KIF19: variants seen among roughly 807,000 people sequenced by gnomAD.
The protein encoded by KIF19 is kinesin-like protein KIF19.
Under a neutral mutation model 106.6 loss-of-function variants are expected in KIF19, and 98 were observed. The observed-to-expected ratio is 0.92, with a 90% CI of 0.78 to 1.09. The LOEUF is 1.09. KIF19 is among the 50% of genes least tolerant of loss of function. KIF19 has a pLI of 0.00. For synonymous variants in KIF19, 516 were observed against 584.2 expected, an observed-to-expected ratio of 0.88 and a Z score of 1.68; for missense variants, 1,373 against 1,414.3, an observed-to-expected ratio of 0.97 and a Z score of 0.47.
rs1443957627 is a variant in KIF19 at position 74,346,829 on chromosome 17, C to T, written c.924+305C>T. ...ACCCAGGGCTGTGGGTCAGAGCCGT[C>T]TAGATTTGGGGGTGCAGGTGGGCAG... On this transcript the variant is annotated intron_variant, in intron 8 of 19. Coordinates refer to ENST00000389916, the MANE Select transcript of KIF19 (RefSeq NM_153209.4). This position sits in a 1 kb window ranked among gnomAD's most constrained non-coding sequence, Gnocchi z 4.6. 6.6e-6 allele frequency among the ~76,000 whole-genome samples: 1 copy of T among 152,166 alleles called. No homozygotes were observed. The highest frequency in any genetic ancestry group is 1.9e-4 in the East Asian group (1 of 5,194).
chr17:74,330,758 G>A (rs959859792), intron 2 of KIF19, among the ~76,000 whole-genome samples: 4 of 152,308 alleles, frequency 2.6e-5, no homozygotes, highest in East Asian at 1.9e-4. Flanking sequence ...GCCAAGATAC[G>A]CCTCCACTGC....
chr17:74,355,685 G>C lies in KIF19; in HGVS notation c.*373G>C, dbSNP rs139162628. 2,146 of 175,340 alleles carry C rather than the reference G, an allele frequency of 0.012. 26 individuals are homozygous for C. Among genetic ancestry groups the C allele is most frequent in the Middle Eastern group, 0.016 (8 of 494 alleles). 10.9% of individuals were successfully genotyped at this position (175,340 alleles called of 1,614,324 possible). On this transcript the variant is annotated 3_prime_UTR_variant, in exon 20 of 20. Transcript: ENST00000389916. ...CGTGTGGGGCACGGGCATCCTGGAT[G>C]GTTGGGGAGGCGCCGACAGGCACTT... is the stretch of plus-strand genomic sequence containing the variant.
intron 3 of KIF19, 62 bp from the exon 4 acceptor site, chr17:74,342,568 A>C: frequency 9.4e-6 from 12 of 1,271,784 alleles, no homozygotes; most frequent in Non-Finnish European, 1.3e-5. Context: ...AGGAAGAGCC[A>C]GTGGGTGCCT....
Position 74,342,692 on chromosome 17 carries a change from C to T in KIF19, c.294C>T (p.Ala98=). ...LIEGVISGYN[A]TVFAYGPTGC... is the part of the protein sequence containing the mutation. ...AGGGCGTCATCTCAGGCTACAATGC[C>T]ACTGTCTTTGCCTATGGCCCCACAG... The change falls in exon 4 of 20, where the codon GCC becomes GCT. Residue 98 remains alanine (A), a synonymous_variant. Coordinates refer to ENST00000389916, the MANE Select transcript of KIF19 (RefSeq NM_153209.4). The T allele has an allele frequency of 1.9e-6, 3 of 1,613,750 alleles. No homozygotes were observed. Among genetic ancestry groups the T allele is most frequent in the Non-Finnish European group, 2.5e-6 (3 of 1,179,822 alleles).
At chr17:74,354,976 GCCT>G (rs2054838719) in intron 19 of KIF19, 35 bp downstream of exon 19, 6 of 1,570,068 alleles carry the variant, frequency 3.8e-6, no homozygotes, top group Non-Finnish European at 5.2e-6. Flanking sequence ...GGGAGGGGAG[GCCT>G]CCACCAGGCA....
intron 8 of KIF19, 28 bp from the exon 9 acceptor site, chr17:74,347,749 C>G: frequency 1.9e-6 from 3 of 1,582,350 alleles, no homozygotes; most frequent in Non-Finnish European, 2.6e-6. Context: ...GAGGCAGTCC[C>G]CACTGACCAC....
In KIF19 at chr17:74,344,454, G is replaced by T. The variant is rs2054473087; in HGVS notation, c.582+106G>T. On this transcript the variant is annotated intron_variant, in intron 6 of 19. Coordinates refer to ENST00000389916, the MANE Select transcript of KIF19 (RefSeq NM_153209.4). ...GGGAGCTGCTCCCCACTCGGCTGAG[G>T]CTGGGACAGACAGGAGAATCCTGAG... 2.0e-6 allele frequency: 3 copies of T among 1,496,018 alleles called. No homozygotes were observed. The South Asian group carries it at 3.7e-5, about 18-fold the overall frequency. 92.7% of individuals were successfully genotyped at this position (1,496,018 alleles called of 1,614,324 possible).
At chr17:74,333,700 C>A (rs1446078668) in intron 2 of KIF19, among the ~76,000 whole-genome samples, 1 of 152,126 alleles carries the variant, frequency 6.6e-6, no homozygotes, top group Non-Finnish European at 1.5e-5. Flanking sequence ...CAACTTCACT[C>A]CTTATGTTGT....
chr17:74,352,466 C>T, intron 14 of KIF19, 126 bp downstream of exon 14: 2 of 1,233,100 alleles, frequency 1.6e-6, no homozygotes, highest in South Asian at 1.6e-5. Flanking sequence ...AGGGAGTTGA[C>T]TCCCTTTCCT....
At chr17:74,353,674 T>TTG in intron 17 of KIF19, 93 bp downstream of exon 17, 8 of 1,014,074 alleles carry the variant, frequency 7.9e-6, no homozygotes, top group Non-Finnish European at 1.2e-5. Flanking sequence ...CCCTCTGCAC[T>TTG]GCCAAGTGCA....
chr17:74,327,123 C>T (rs1403849729), intron 1 of KIF19, among the ~76,000 whole-genome samples: 1 of 152,164 alleles, frequency 6.6e-6, no homozygotes, highest in African/African-American at 2.4e-5. Context: ...TCAGCAAGCC[C>T]CTTCCTCATC....
chr17:74,336,831 T>C (rs1346139783), intron 2 of KIF19, among the ~76,000 whole-genome samples: 1 of 152,012 alleles, frequency 6.6e-6, no homozygotes, highest in African/African-American at 2.4e-5. Context: ...TATTTGTTTG[T>C]TTTTGTTTTT....
intron 2 of KIF19, chr17:74,329,080 CA>C (rs1043219184): frequency 6.6e-6 from 1 of 152,282 alleles, no homozygotes; most frequent in Non-Finnish European, 1.5e-5. Context: ...GCATCACAAA[CA>C]AACGAGTTTG....
rs983340291 is a variant in KIF19, at chr17:74,331,350, G to A, written c.120+2845G>A. On this transcript the variant is annotated intron_variant, in intron 2 of 19. Transcript: ENST00000389916. This position sits in a 1 kb window ranked among gnomAD's most constrained non-coding sequence, Gnocchi z 4.1. ...AGCTGAGCCAGGACATGTTCGTCCT[G>A]AGTGGGGAGAGGTGGACCGGGGACA... Among the ~76,000 whole-genome samples the A allele has an allele frequency of 3.8e-4, 57 of 148,530 alleles. No homozygotes were observed. Among genetic ancestry groups the A allele is most frequent in the Admixed American group, 3.4e-4 (5 of 14,806 alleles).
intron 2 of KIF19, among the ~76,000 whole-genome samples, chr17:74,332,874 GCA>G (rs529269755): frequency 9.2e-5 from 14 of 152,322 alleles, no homozygotes; most frequent in African/African-American, 3.4e-4. Flanking sequence ...ATACTGGTGG[GCA>G]AGTTGAAACT....
At chr17:74,340,961 C>T (rs1226095736) in intron 2 of KIF19, among the ~76,000 whole-genome samples, 4 of 152,192 alleles carry the variant, frequency 2.6e-5, no homozygotes, top group Admixed American at 1.3e-4. Flanking sequence ...GGGGGTGTGA[C>T]TCCTTTGGAC....
At chr17:74,340,555 G>GCGCGCACGCACACA in intron 2 of KIF19, among the ~76,000 whole-genome samples, 111 of 148,306 alleles carry the variant, frequency 7.5e-4, no homozygotes, top group African/African-American at 2.5e-3. Flanking sequence ...ATGCGCGCGC[G>GCGCGCACGCACACA]TACACACACA....
chr17:74,336,070 C>CTTAT (rs1340040227), intron 2 of KIF19, among the ~76,000 whole-genome samples: 4 of 152,108 alleles, frequency 2.6e-5, no homozygotes, highest in African/African-American at 7.2e-5. Context: ...TGGCTTTATG[C>CTTAT]TTATTTATTT....
chr17:74,330,981 T>G (rs1385174957), intron 2 of KIF19, among the ~76,000 whole-genome samples: 1 of 152,192 alleles, frequency 6.6e-6, no homozygotes, highest in Non-Finnish European at 1.5e-5. Flanking sequence ...AACGGAGGAC[T>G]GTAGTTTAGG....
Sources: gnomAD v4.1 joint callset for allele counts (sites outside exome capture counted in the v4.1 genomes callset) on GRCh38, gnomAD v4.1.1 for gene constraint, Gnocchi (gnomAD v3.1) non-coding constraint, MANE v1.5 for transcripts, NCBI Gene and HGNC (gene_info 2026-07-23, HGNC 2026-07-21) for gene names.